Variants in PTPRM observed in about 807,000 individuals in gnomAD.
PTPRM encodes the protein receptor-type tyrosine-protein phosphatase mu.
A neutral mutation model predicts 186.7 loss-of-function variants in PTPRM; 47 were observed. The observed-to-expected ratio is 0.25, with a 90% CI of 0.20 to 0.32. The LOEUF is 0.32. PTPRM is among the 10% of genes least tolerant of loss of function. PTPRM has a pLI of 1.00. For missense variants in PTPRM, 1,494 were observed against 1,865.0 expected (o/e 0.80, Z 3.66); for synonymous variants, 668 against 674.9 (o/e 0.99, Z 0.16).
chr18:8,253,645 C>T (rs921508219), intron 19 of PTPRM, among the ~76,000 whole-genome samples: 3 of 152,168 alleles, frequency 2.0e-5, no homozygotes, highest in African/African-American at 7.2e-5. Flanking sequence ...AAAATCCAGT[C>T]CTCCAGATCC....
chr18:8,063,252 C>A (rs531318779), intron 7 of PTPRM, among the ~76,000 whole-genome samples: 11 of 150,158 alleles, frequency 7.3e-5, no homozygotes, highest in Non-Finnish European at 1.5e-4. Flanking sequence ...TTCTTTGACT[C>A]GGAAAGGGAA....
intron 14 of PTPRM, among the ~76,000 whole-genome samples, chr18:8,218,699 CA>C (rs1477226811): frequency 6.6e-6 from 1 of 152,182 alleles, no homozygotes; most frequent in African/African-American, 2.4e-5. Flanking sequence ...GTGCATGAAG[CA>C]TGGGTAATGG....
intron 1 of PTPRM, among the ~76,000 whole-genome samples, chr18:7,638,092 C>T (rs1457880048): frequency 1.3e-5 from 2 of 152,096 alleles, no homozygotes; most frequent in Non-Finnish European, 2.9e-5. Context: ...GTTAACCAAA[C>T]AGAGAAAACT....
intron 7 of PTPRM, among the ~76,000 whole-genome samples, chr18:8,054,775 A>C (rs2087796503): frequency 6.6e-6 from 1 of 151,654 alleles, no homozygotes; most frequent in African/African-American, 2.4e-5. Context: ...TTCTTTCAAA[A>C]CTCATTTTTC....
intron 7 of PTPRM, among the ~76,000 whole-genome samples, chr18:7,960,581 T>C (rs2053613095): frequency 1.3e-5 from 2 of 151,306 alleles, no homozygotes; most frequent in African/African-American, 2.4e-5. Flanking sequence ...CAAGACTCCA[T>C]TGCTACAAAA....
intron 2 of PTPRM, among the ~76,000 whole-genome samples, chr18:7,872,366 A>G (rs1026529553): frequency 3.3e-5 from 5 of 151,892 alleles, no homozygotes; most frequent in African/African-American, 1.2e-4. Context: ...TACTATTCCC[A>G]CCTAATATTT....
At chr18:8,214,460 G>A (rs187074917) in intron 14 of PTPRM, among the ~76,000 whole-genome samples, 120 of 152,154 alleles carry the variant, frequency 7.9e-4, no homozygotes, top group Non-Finnish European at 1.4e-3. Context: ...AAAAAGTTTA[G>A]TTATTACCGA....
intron 13 of PTPRM, among the ~76,000 whole-genome samples, chr18:8,125,823 A>G (rs1029152634): frequency 4.6e-5 from 7 of 151,834 alleles, no homozygotes; most frequent in African/African-American, 1.7e-4. Context: ...ATTTGGGAAG[A>G]AAGTAGAAAG....
At chr18:7,898,485 G>A (rs2049486062) in intron 3 of PTPRM, among the ~76,000 whole-genome samples, 1 of 152,188 alleles carries the variant, frequency 6.6e-6, no homozygotes, top group African/African-American at 2.4e-5. Context: ...CATTTCTCCT[G>A]TTTGGCAGAC....
intron 1 of PTPRM, among the ~76,000 whole-genome samples, chr18:7,618,667 G>A (rs936993649): frequency 1.3e-5 from 2 of 152,134 alleles, no homozygotes; most frequent in Non-Finnish European, 2.9e-5. Context: ...TTCATAGTTT[G>A]TACCCTTTGA....
rs371669442 is a variant in PTPRM, at chr18:7,901,010, C to A, written c.469-5495C>A. On this transcript the variant is annotated intron_variant, in intron 3 of 32. Transcript: ENST00000580170. ...CAATTTCTTACACGTTTCTTTTTTCCTTTTCCAATGGTACTGTTGGTATTC... is the reference window on the plus strand; with the variant it reads ...CAATTTCTTACACGTTTCTTTTTTCATTTTCCAATGGTACTGTTGGTATTC... Among the ~76,000 whole-genome samples the A allele has an allele frequency of 2.8e-4, 42 of 151,954 alleles. No homozygotes were observed. In the East Asian group the frequency reaches 3.5e-3, roughly 13 times the overall value.
At chr18:7,865,135 A>G (rs1177057162) in intron 2 of PTPRM, among the ~76,000 whole-genome samples, 1 of 152,226 alleles carries the variant, frequency 6.6e-6, no homozygotes, top group African/African-American at 2.4e-5. Context: ...CAATCATGTC[A>G]TCTGCAAACA....
intron 19 of PTPRM, among the ~76,000 whole-genome samples, chr18:8,273,458 T>C (rs1263221308): frequency 6.6e-6 from 1 of 152,188 alleles, no homozygotes; most frequent in Non-Finnish European, 1.5e-5. Flanking sequence ...CTCTGCTCAG[T>C]TACCTCTCCT....
At chr18:7,614,630 A>G (rs2037757681) in intron 1 of PTPRM, among the ~76,000 whole-genome samples, 1 of 152,216 alleles carries the variant, frequency 6.6e-6, no homozygotes. Context: ...ATCCCCAACC[A>G]AAACATCCAG....
chr18:8,029,150 G>A (rs563486245), intron 7 of PTPRM, among the ~76,000 whole-genome samples: 69 of 152,214 alleles, frequency 4.5e-4, no homozygotes, highest in African/African-American at 1.6e-3. Context: ...TGACATACCT[G>A]CCTGCCTGGA....
intron 13 of PTPRM, among the ~76,000 whole-genome samples, chr18:8,130,036 T>G (rs1369401828): frequency 6.6e-6 from 1 of 152,170 alleles, no homozygotes; most frequent in Non-Finnish European, 1.5e-5. Context: ...TTTTAAAAGT[T>G]GTCTTCTAAG....
intron 7 of PTPRM, among the ~76,000 whole-genome samples, chr18:7,992,270 TATATC>T (rs2083305624): frequency 6.6e-6 from 1 of 152,180 alleles, no homozygotes; most frequent in South Asian, 2.1e-4. Flanking sequence ...ACTATCTGCC[TATATC>T]ATTCACTTCT....
At position 7,644,162 on chromosome 18, in the gene PTPRM, C is replaced by A. The variant is rs556631400; in HGVS notation, c.73+76271C>A. ...ATAATACTTTGGAGGTTTCTACTTA[C>A]AAAAGGTGCTCTGAGATTCTTTTGC... On this transcript the variant is annotated intron_variant, in intron 1 of 32. Transcript: ENST00000580170. 3.3e-5 allele frequency among the ~76,000 whole-genome samples: 5 copies of A among 152,190 alleles called. No individual in the cohort carries two copies. In the East Asian group the frequency reaches 5.8e-4, roughly 18 times the overall value.
At chr18:7,608,703 A>G (rs756525048) in intron 1 of PTPRM, among the ~76,000 whole-genome samples, 6 of 152,174 alleles carry the variant, frequency 3.9e-5, no homozygotes, top group Non-Finnish European at 7.3e-5. Context: ...CTTGCGTCCC[A>G]TTCTTGAGCC....
Sources: gnomAD v4.1 joint callset for allele counts (sites outside exome capture counted in the v4.1 genomes callset) on GRCh38, gnomAD v4.1.1 for gene constraint, MANE v1.5 for transcripts, NCBI Gene and HGNC (gene_info 2026-07-23, HGNC 2026-07-21) for gene names.